Variants in DIAPH3 observed in about 807,000 individuals in gnomAD.
DIAPH3 encodes diaphanous related formin 3.
DIAPH3 carries 117 observed loss-of-function variants against 144.3 expected under a neutral mutation model. The observed-to-expected ratio is 0.81, with a 90% CI of 0.70 to 0.95. The LOEUF (loss-of-function observed/expected upper bound fraction) is 0.95, where lower values mean the gene tolerates loss of function less well. DIAPH3 is among the 40% of genes least tolerant of loss of function. The pLI is 0.00. For missense variants in DIAPH3, 1,421 were observed against 1,412.7 expected (o/e 1.01, Z -0.09); for synonymous variants, 519 against 488.9 (o/e 1.06, Z -0.81).
intron 27 of DIAPH3, among the ~76,000 whole-genome samples, chr13:59,687,478 T>C (rs2033277364): frequency 6.6e-6 from 1 of 152,124 alleles, no homozygotes; most frequent in Non-Finnish European, 1.5e-5. Flanking sequence ...CATTTTTAGA[T>C]CTATTAATAT....
rs2053040651 is a variant in DIAPH3 at position 60,008,582 on chromosome 13, T to C, written c.976A>G (p.Ile326Val). The part of the protein sequence containing the change: ...EEKKIDRFFC[I>V]VEGLRHNSVQ... Reference sequence around the variant, plus strand: ...GAATTGTGCCGGAGGCCTTCCACAATACAAAAAAATCTGTCAATTTTTTTT... The same window carrying C: ...GAATTGTGCCGGAGGCCTTCCACAACACAAAAAAATCTGTCAATTTTTTTT... Residue 326 changes from isoleucine (I) to valine (V), a missense_variant, in exon 9 of 28, where the codon ATT becomes GTT. Coordinates refer to ENST00000400324, the MANE Select transcript of DIAPH3 (RefSeq NM_001042517.2). The C allele has an allele frequency of 6.2e-7, 1 of 1,613,730 alleles. No individual in the cohort carries two copies. Among genetic ancestry groups the C allele is most frequent in the Non-Finnish European group, 8.5e-7 (1 of 1,179,874 alleles).
At chr13:59,945,697 T>C (rs1004319683) in intron 17 of DIAPH3, among the ~76,000 whole-genome samples, 1 of 150,698 alleles carries the variant, frequency 6.6e-6, no homozygotes, top group South Asian at 2.1e-4. Context: ...TGAGAAGAAA[T>C]AGTCCTTAAG....
In DIAPH3 at chr13:60,084,332, C is replaced by T. The variant is rs184754553; in HGVS notation, c.495+9296G>A. On this transcript the variant is annotated intron_variant, in intron 4 of 27. Coordinates refer to ENST00000400324, the MANE Select transcript of DIAPH3 (RefSeq NM_001042517.2). Reference sequence around the variant, plus strand: ...GATGTTTTCTGTAACTATTTTTATTCGACAAACGGTTTTTTTCTTTTCTAA... The same window carrying T: ...GATGTTTTCTGTAACTATTTTTATTTGACAAACGGTTTTTTTCTTTTCTAA... 3.4e-3 allele frequency among the ~76,000 whole-genome samples: 519 copies of T among 151,842 alleles called. 3 individuals are homozygous for T. The highest frequency in any genetic ancestry group is 0.012 in the African/African-American group (493 of 41,426).
At chr13:59,774,084 A>T in intron 27 of DIAPH3, 105 bp downstream of exon 27, 1 of 1,119,148 alleles carries the variant, frequency 8.9e-7, no homozygotes, top group Non-Finnish European at 1.3e-6. Flanking sequence ...TTACTATTTT[A>T]GTTATATTGG....
At chr13:60,101,434 C>A (rs2058265305) in intron 3 of DIAPH3, among the ~76,000 whole-genome samples, 1 of 152,170 alleles carries the variant, frequency 6.6e-6, no homozygotes. Context: ...GCAAGCTTGT[C>A]CAGATTGCAC....
rs2047679230 is a variant in DIAPH3 at position 59,924,819 on chromosome 13, A to G, written c.2126T>C (p.Ile709Thr). 1.2e-6 allele frequency: 2 copies of G among 1,601,928 alleles called. No individual in the cohort carries two copies. Among genetic ancestry groups the G allele is most frequent in the Non-Finnish European group, 8.5e-7 (1 of 1,171,632 alleles). The change falls in exon 18 of 28, where the codon ATT becomes ACT. Residue 709 changes from isoleucine to threonine, a missense_variant. Physicochemically the swap from Ile to Thr is moderately conservative, Grantham distance 89 (BLOSUM62 -1). Coordinates refer to ENST00000400324, the MANE Select transcript of DIAPH3 (RefSeq NM_001042517.2). ...AGAATCTAAAAACTTAAGTTCTTTA[A>G]TTTTTTTCTTAATCGATTTCTTCTC... ...IEEKKSIKKKIKELKFLDSKI... is the reference protein window; with the variant it reads ...IEEKKSIKKKTKELKFLDSKI...
intron 25 of DIAPH3, among the ~76,000 whole-genome samples, chr13:59,795,485 C>T (rs984318913): frequency 2.1e-5 from 3 of 144,218 alleles, no homozygotes; most frequent in East Asian, 4.2e-4. Context: ...GATGGAGTCT[C>T]GCTCTCCCGC....
intron 1 of DIAPH3, among the ~76,000 whole-genome samples, chr13:60,142,342 A>T (rs1241404687): frequency 6.6e-6 from 1 of 152,172 alleles, no homozygotes; most frequent in Non-Finnish European, 1.5e-5. Context: ...AGGTATTAGA[A>T]ATACTCTCAA....
At chr13:59,868,234 G>T (rs1400982481) in intron 21 of DIAPH3, among the ~76,000 whole-genome samples, 1 of 152,082 alleles carries the variant, frequency 6.6e-6, no homozygotes, top group Non-Finnish European at 1.5e-5. Flanking sequence ...TAACTAAACT[G>T]CTATTTTAGA....
chr13:60,060,565 G>C (rs145430915), intron 4 of DIAPH3, among the ~76,000 whole-genome samples: 1 of 152,196 alleles, frequency 6.6e-6, no homozygotes, highest in African/African-American at 2.4e-5. Flanking sequence ...AGATCAAAAT[G>C]AGAAGCAACT....
intron 4 of DIAPH3, among the ~76,000 whole-genome samples, chr13:60,064,223 A>G (rs1015861433): frequency 2.0e-5 from 3 of 152,210 alleles, no homozygotes; most frequent in Admixed American, 1.3e-4. Context: ...TATCAGCTGC[A>G]TTAGCCCCAA....
intron 3 of DIAPH3, among the ~76,000 whole-genome samples, chr13:60,100,332 A>C (rs971790713): frequency 1.3e-5 from 2 of 152,230 alleles, no homozygotes; most frequent in African/African-American, 4.8e-5. Context: ...AAAGTCAGGC[A>C]AACCCAAATT....
intron 1 of DIAPH3, chr13:60,153,400 A>G (rs2138420114): frequency 6.6e-6 from 1 of 152,252 alleles, no homozygotes; most frequent in East Asian, 1.9e-4. Flanking sequence ...AAACAGGTTT[A>G]TAACAGTTCA....
intron 4 of DIAPH3, among the ~76,000 whole-genome samples, chr13:60,074,687 G>A (rs748005698): frequency 9.2e-5 from 14 of 151,946 alleles, no homozygotes; most frequent in Non-Finnish European, 2.1e-4. Context: ...CCTTTACATG[G>A]GCAGATATGC....
In DIAPH3 at chr13:59,869,380, G is replaced by C. The variant is rs2044122292; in HGVS notation, c.2608-7844C>G. On this transcript the variant is annotated intron_variant, in intron 21 of 27. Transcript: ENST00000400324. ...CTGGTCTGATAATTTAATTTGACAT[G>C]AGAGAGATTAACAGGAGAAACGTGT... is the stretch of plus-strand genomic sequence containing the variant. Among the ~76,000 whole-genome samples, 3 of 152,116 alleles carry C rather than the reference G, an allele frequency of 2.0e-5. No homozygotes were observed. The South Asian group carries it at 6.2e-4, about 32-fold the overall frequency.
rs140845559 is a variant in DIAPH3, at chr13:59,672,672, G to A, written c.3320-5826C>T. On this transcript the variant is annotated intron_variant, in intron 27 of 27. Transcript: ENST00000400324. ...GGCCGCCAGCAGCCCATATCCCTGT[G>A]GTTTTCCTTATTGCTGATTTACTGA... is the stretch of plus-strand genomic sequence containing the variant. 3.4e-3 allele frequency among the ~76,000 whole-genome samples: 524 copies of A among 152,144 alleles called. 3 individuals carry two copies. Among genetic ancestry groups the A allele is most frequent in the South Asian group, 0.031 (149 of 4,826 alleles).
chr13:60,073,857 A>G (rs1290989622), intron 4 of DIAPH3, among the ~76,000 whole-genome samples: 1 of 152,232 alleles, frequency 6.6e-6, no homozygotes, highest in Non-Finnish European at 1.5e-5. Flanking sequence ...ACAGCATGCT[A>G]TTAGCTCTGC....
intron 12 of DIAPH3, among the ~76,000 whole-genome samples, chr13:59,989,539 C>T (rs541444909): frequency 4.6e-5 from 7 of 151,736 alleles, no homozygotes; most frequent in African/African-American, 1.4e-4. Flanking sequence ...TCAAGATACC[C>T]GGGGTTTAAA....
intron 24 of DIAPH3, among the ~76,000 whole-genome samples, chr13:59,816,300 A>G (rs76831454): frequency 6.6e-6 from 1 of 152,160 alleles, no homozygotes; most frequent in East Asian, 1.9e-4. Context: ...TATTTCAAAG[A>G]TTAAAAGTCA....
Sources: gnomAD v4.1 joint callset for allele counts (sites outside exome capture counted in the v4.1 genomes callset) on GRCh38, gnomAD v4.1.1 for gene constraint, MANE v1.5 for transcripts, NCBI Gene and HGNC (gene_info 2026-07-23, HGNC 2026-07-21) for gene names.